ABCA4: variants seen among roughly 807,000 people sequenced by gnomAD.
The protein encoded by ABCA4 is retinal-specific phospholipid-transporting ATPase ABCA4.
In ABCA4, 196 loss-of-function variants were observed where a neutral mutation model predicts 263.7. That is an observed-to-expected ratio of 0.74 (90% CI 0.66 to 0.84). ABCA4 has a LOEUF of 0.84. ABCA4 is among the 40% of genes least tolerant of loss of function. The probability of loss-of-function intolerance (pLI) is 0.00; values close to 1 mark genes in which losing one functional copy is unlikely to be tolerated. For missense variants in ABCA4, 2,792 were observed against 2,855.1 expected (o/e 0.98, Z 0.50); for synonymous variants, 1,133 against 1,094.2 (o/e 1.04, Z -0.70).
intron 10 of ABCA4, 113 bp downstream of exon 10, chr1:94,078,477 T>C (rs1661596161): frequency 1.2e-6 from 1 of 850,650 alleles, no homozygotes; most frequent in Non-Finnish European, 2.0e-6. Context: ...TGTTGTATTT[T>C]GATCTAACTC....
intron 18 of ABCA4, among the ~76,000 whole-genome samples, chr1:94,048,211 G>T (rs192878337): frequency 1.8e-4 from 28 of 152,374 alleles, no homozygotes; most frequent in Admixed American, 1.8e-3. Context: ...GGGCTGTGCT[G>T]CCTGTCTAAA....
At position 94,021,796 on chromosome 1, in the gene ABCA4, T is replaced by C. The variant is rs748805939; in HGVS notation, c.4773+50A>G. 2.5e-6 allele frequency: 4 copies of C among 1,606,216 alleles called. No individual in the cohort carries two copies. In the Admixed American group the frequency reaches 5.0e-5, roughly 20 times the overall value. On this transcript the variant is annotated intron_variant, in intron 33 of 49. Transcript: ENST00000370225. ...ACTCATGAGAGTTTCTCATTCATGG[T>C]AGTTAAGCAAGTCAAAAATCCTACT...
chr1:94,064,428 G>A (rs2101080996), intron 11 of ABCA4, among the ~76,000 whole-genome samples: 1 of 152,314 alleles, frequency 6.6e-6, no homozygotes, highest in South Asian at 2.1e-4. Context: ...AGCCTCCTGA[G>A]TAGGAGGATA....
rs779259637 is a variant in ABCA4 at position 94,068,645 on chromosome 1, C to A, written c.1555-5328G>T. 1.6e-4 allele frequency among the ~76,000 whole-genome samples: 25 copies of A among 152,138 alleles called. 1 individual carries two copies. The highest frequency in any genetic ancestry group is 7.9e-4 in the Admixed American group (12 of 15,278). ...GAATATAGTAGGTTCTATGAGGCTACGGCCATGGAGTCTATGTGTAAAAGC... is the reference window on the plus strand; with the variant it reads ...GAATATAGTAGGTTCTATGAGGCTAAGGCCATGGAGTCTATGTGTAAAAGC... On this transcript the variant is annotated intron_variant, in intron 11 of 49. Transcript: ENST00000370225.
intron 1 of ABCA4, among the ~76,000 whole-genome samples, chr1:94,116,966 TTCTCTTTCTTTCTTTCTTTCTTTC>T (rs1324088590): frequency 2.9e-5 from 3 of 101,708 alleles, no homozygotes; most frequent in African/African-American, 1.1e-4. Flanking sequence ...CTTTCTTTCT[TTCTCTTTCTTTCTTTCTTTCTTTC>T]TTTCTTTCTT....
At chr1:94,120,296 G>A (rs563708564) in intron 1 of ABCA4, among the ~76,000 whole-genome samples, 54 of 152,270 alleles carry the variant, frequency 3.5e-4, no homozygotes, top group African/African-American at 1.2e-3. Flanking sequence ...TCTGTGTCGT[G>A]CTTTTAGGGC....
intron 6 of ABCA4, among the ~76,000 whole-genome samples, chr1:94,087,121 C>T (rs1025134875): frequency 2.7e-4 from 41 of 152,098 alleles, no homozygotes; most frequent in African/African-American, 8.9e-4. Flanking sequence ...TAATTGCCTC[C>T]GAAAGGCCCC....
intron 21 of ABCA4, among the ~76,000 whole-genome samples, 176 bp from the exon 22 acceptor site, chr1:94,043,074 G>C (rs1395381888): frequency 1.3e-5 from 2 of 152,180 alleles, no homozygotes; most frequent in Non-Finnish European, 2.9e-5. Flanking sequence ...ATGCAGAAAG[G>C]GCAACCCTCA....
Position 94,010,859 on chromosome 1 carries a change from T to A in ABCA4, c.5655A>T (p.Glu1885Asp), listed in dbSNP as rs1471999709. 6.2e-7 allele frequency: 1 copy of A among 1,613,994 alleles called. No homozygotes were observed. Among genetic ancestry groups the A allele is most frequent in the Non-Finnish European group, 8.5e-7 (1 of 1,180,028 alleles). Residue 1885 changes from glutamate (E) to aspartate (D), a missense_variant, in exon 40 of 50, where the codon GAA (glutamate) becomes GAT (aspartate). Transcript: ENST00000370225. Reference protein sequence around the residue: ...IGKNLFAMVVEGVVYFLLTLL... With the variant: ...IGKNLFAMVVDGVVYFLLTLL... Reference sequence around the variant, plus strand: ...GGGTCAGGAGGAAGTACACCACCCCTTCCACCACCATGGCAAACAGGTTCT... The same window carrying A: ...GGGTCAGGAGGAAGTACACCACCCCATCCACCACCATGGCAAACAGGTTCT...
chr1:94,096,616 A>C (rs967828817), intron 6 of ABCA4, among the ~76,000 whole-genome samples: 1 of 152,152 alleles, frequency 6.6e-6, no homozygotes, highest in South Asian at 2.1e-4. Context: ...AGACGTAAGG[A>C]AAGACTTGGT....
rs777817302 is a variant in ABCA4 at position 94,037,134 on chromosome 1, C to T, written c.3813+11G>A. The stretch of plus-strand genomic sequence containing the variant: ...GCACTTGACAGAAACCAGCTGGAAT[C>T]TCTACTTTACCTCTTCCAGGGGAGT... On this transcript the variant is annotated intron_variant, in intron 25 of 49. Coordinates refer to ENST00000370225, the MANE Select transcript of ABCA4 (RefSeq NM_000350.3). 48 of 1,613,404 alleles carry T rather than the reference C, an allele frequency of 3.0e-5. No individual in the cohort carries two copies. The highest frequency in any genetic ancestry group is 4.0e-5 in the Non-Finnish European group (47 of 1,179,488).
At chr1:94,085,194 A>T (rs898063299) in intron 6 of ABCA4, among the ~76,000 whole-genome samples, 1 of 152,206 alleles carries the variant, frequency 6.6e-6, no homozygotes, top group Middle Eastern at 3.2e-3. Flanking sequence ...GGAAGTACAT[A>T]TGGTGAAATG....
intron 11 of ABCA4, among the ~76,000 whole-genome samples, chr1:94,070,666 G>A (rs1661377687): frequency 1.3e-5 from 2 of 152,206 alleles, no homozygotes; most frequent in Non-Finnish European, 2.9e-5. Flanking sequence ...AAGGGCTACA[G>A]GGAAGGGAAT....
At chr1:94,111,718 G>A in intron 2 of ABCA4, 139 bp from the exon 3 acceptor site, 2 of 1,061,528 alleles carry the variant, frequency 1.9e-6, no homozygotes, top group South Asian at 2.7e-5. Context: ...AGAAGCAGGA[G>A]CATCTCATGT....
At chr1:94,055,067 C>G in intron 16 of ABCA4, 44 bp downstream of exon 16, 1 of 1,551,576 alleles carries the variant, frequency 6.4e-7, no homozygotes, top group East Asian at 2.2e-5. Flanking sequence ...GGCTGGGGAT[C>G]TGAAGAACTC....
chr1:94,014,438 G>T, intron 38 of ABCA4, 105 bp downstream of exon 38: 2 of 1,317,404 alleles, frequency 1.5e-6, no homozygotes, highest in Non-Finnish European at 2.2e-6. Flanking sequence ...GCACTCATCC[G>T]CATACAGCTG....
In ABCA4 at chr1:94,015,838, C is replaced by T. The variant is rs2101015576; in HGVS notation, c.5213G>A (p.Ser1738Asn). ...FLWDIMNYSV[S>N]AGLVVGIFIG... ...GAAGATGCCCACCACCAGCCCAGCACTCACGGAATAATTCATCTCGGAAAG... is the reference window on the plus strand; with the variant it reads ...GAAGATGCCCACCACCAGCCCAGCATTCACGGAATAATTCATCTCGGAAAG... The change falls in exon 37 of 50, where the codon AGT becomes AAT. Residue 1738 changes from serine to asparagine, a missense_variant. Coordinates refer to ENST00000370225, the MANE Select transcript of ABCA4 (RefSeq NM_000350.3). 6.2e-7 allele frequency: 1 copy of T among 1,613,742 alleles called. No homozygotes were observed. The highest frequency in any genetic ancestry group is 8.5e-7 in the Non-Finnish European group (1 of 1,179,852).
chr1:93,997,074 G>A (rs60653897), intron 48 of ABCA4, among the ~76,000 whole-genome samples: 26,980 of 152,104 alleles, frequency 0.18, 2,720 homozygotes, highest in African/African-American at 0.28. Context: ...TGGTGGTAAC[G>A]GTTGCACAAC....
chr1:94,062,835 C>T (rs1414214910), intron 12 of ABCA4, 82 bp from the exon 13 acceptor site: 3 of 1,434,698 alleles, frequency 2.1e-6, no homozygotes, highest in South Asian at 1.2e-5. Context: ...TGACTCGGAA[C>T]TCATTCTCTT....
Sources: gnomAD v4.1 joint callset for allele counts (sites outside exome capture counted in the v4.1 genomes callset) on GRCh38, gnomAD v4.1.1 for gene constraint, MANE v1.5 for transcripts, NCBI Gene and HGNC (gene_info 2026-07-23, HGNC 2026-07-21) for gene names.